NIPA1: variants seen among roughly 807,000 people sequenced by gnomAD.
NIPA1 encodes the protein NIPA magnesium transporter 1, also known as magnesium transporter NIPA1.
NIPA1 carries 13 observed loss-of-function variants against 23.9 expected under a neutral mutation model. The observed-to-expected ratio is 0.54, with a 90% CI of 0.35 to 0.87. NIPA1 has a LOEUF of 0.87. Among genes scored for constraint, NIPA1 ranks in the 40% least tolerant of loss-of-function variants. The pLI is 0.01. For missense variants in NIPA1, 362 were observed against 429.7 expected, an observed-to-expected ratio of 0.84 and a Z score of 1.39; for synonymous variants, 234 against 202.9, an observed-to-expected ratio of 1.15 and a Z score of -1.30.
At position 22,827,519 on chromosome 15, in the gene NIPA1, A is replaced by G. The variant is rs1281408389; in HGVS notation, c.*3280A>G. On this transcript the variant is annotated 3_prime_UTR_variant, in exon 5 of 5. Transcript: ENST00000337435. ...TCAGCTCTCATTGAGATCTTTTCCT[A>G]TCAGAATGTTAGTGAATATACTTCG... 17 of 152,156 alleles carry G rather than the reference A, an allele frequency of 1.1e-4. No individual in the cohort carries two copies. Among genetic ancestry groups the G allele is most frequent in the Non-Finnish European group, 2.5e-4 (17 of 68,024 alleles). 9.4% of individuals were successfully genotyped at this position (152,156 alleles called of 1,614,324 possible).
intron 1 of NIPA1, among the ~76,000 whole-genome samples, chr15:22,799,411 G>A (rs759039125): frequency 7.9e-5 from 12 of 152,096 alleles, no homozygotes; most frequent in Admixed American, 2.6e-4. Context: ...GTAATCTGCC[G>A]AGGTGGGCAG....
In NIPA1 at chr15:22,824,520, CTCT is replaced by C. The variant is rs1292126049; in HGVS notation, c.*286_*288del. 4 of 442,428 alleles carry C rather than the reference CTCT, an allele frequency of 9.0e-6. No individual in the cohort carries two copies. The highest frequency in any genetic ancestry group is 5.9e-5 in the African/African-American group (3 of 50,560). 27.4% of individuals were successfully genotyped at this position (442,428 alleles called of 1,614,324 possible). A position where few individuals can be genotyped will look rare whatever the true frequency, so the allele number is the denominator to read the frequency against. On this transcript the variant is annotated 3_prime_UTR_variant, in exon 5 of 5. Coordinates refer to ENST00000337435, the MANE Select transcript of NIPA1 (RefSeq NM_144599.5). This position sits in a 1 kb window ranked among gnomAD's most constrained non-coding sequence, Gnocchi z 4.1. ...TAACCTGGAAGCTTTCATGAATATT[CTCT>C]TCTTTTAAAACATTTTAACATTATT...
intron 1 of NIPA1, among the ~76,000 whole-genome samples, chr15:22,799,943 C>CAAAAAAAAA (rs61174589): frequency 2.1e-5 from 1 of 47,012 alleles, no homozygotes; most frequent in Non-Finnish European, 3.7e-5. Flanking sequence ...GACCCTGTCT[C>CAAAAAAAAA]AAAAAAAAAA....
Position 22,806,175 on chromosome 15 carries a change from G to A in NIPA1, c.179-4574G>A, listed in dbSNP as rs1044278874. Among the ~76,000 whole-genome samples the A allele has an allele frequency of 2.0e-4, 31 of 152,236 alleles. No homozygotes were observed. In the South Asian group the frequency reaches 3.3e-3, roughly 16 times the overall value. ...CCTGACCTTGTGATCCGCCCGCCTC[G>A]GCCTCCCAAAGTGCCGGGATTACAG... On this transcript the variant is annotated intron_variant, in intron 1 of 4. Coordinates refer to ENST00000337435, the MANE Select transcript of NIPA1 (RefSeq NM_144599.5).
At chr15:22,804,913 T>A (rs1323855974) in intron 1 of NIPA1, among the ~76,000 whole-genome samples, 1 of 152,232 alleles carries the variant, frequency 6.6e-6, no homozygotes, top group East Asian at 1.9e-4. Context: ...CTTGGCTCAC[T>A]GCAAGCTCCG....
intron 3 of NIPA1, chr15:22,814,302 G>A (rs1389031124): frequency 3.8e-6 from 1 of 259,950 alleles, no homozygotes; most frequent in African/African-American, 2.2e-5. Context: ...CTGTCGCCCA[G>A]GCTGGAGTGC....
At chr15:22,799,704 C>T (rs1163078902) in intron 1 of NIPA1, among the ~76,000 whole-genome samples, 1 of 151,634 alleles carries the variant, frequency 6.6e-6, no homozygotes. Flanking sequence ...ATGGCGTGAA[C>T]CCAGGAGGCG....
chr15:22,815,787 T>C (rs1016505309), intron 3 of NIPA1, among the ~76,000 whole-genome samples: 2 of 152,168 alleles, frequency 1.3e-5, no homozygotes, highest in African/African-American at 4.8e-5. Flanking sequence ...AAATGCAAAG[T>C]AGATTTAGCA....
At chr15:22,818,160 C>T (rs57501181) in intron 3 of NIPA1, among the ~76,000 whole-genome samples, 1,675 of 152,204 alleles carry the variant, frequency 0.011, 34 homozygotes, top group African/African-American at 0.038. Context: ...AAACTCTTGC[C>T]GGTCGTGGTG....
At chr15:22,800,621 C>T (rs1227946458) in intron 1 of NIPA1, among the ~76,000 whole-genome samples, 2 of 151,862 alleles carry the variant, frequency 1.3e-5, no homozygotes, top group Admixed American at 6.6e-5. Flanking sequence ...GGTGAAGCCC[C>T]GTCTCTACTA....
At chr15:22,798,861 A>C (rs1398075229) in intron 1 of NIPA1, among the ~76,000 whole-genome samples, 2 of 150,144 alleles carry the variant, frequency 1.3e-5, no homozygotes, top group East Asian at 2.0e-4. Context: ...AAAAAAAAAA[A>C]ACCTCTTTAT....
At chr15:22,815,560 G>A (rs1895398907) in intron 3 of NIPA1, among the ~76,000 whole-genome samples, 1 of 152,108 alleles carries the variant, frequency 6.6e-6, no homozygotes, top group African/African-American at 2.4e-5. Context: ...AGAGATTGCA[G>A]TGAATTGACA....
chr15:22,823,657 C>A, intron 4 of NIPA1, 71 bp from the exon 5 acceptor site: 3 of 1,498,242 alleles, frequency 2.0e-6, no homozygotes, highest in Non-Finnish European at 2.7e-6. Flanking sequence ...CCGGGTGCTG[C>A]CCCAGTCCAC....
chr15:22,826,644 A>G lies in NIPA1; in HGVS notation c.*2405A>G, dbSNP rs886050995. The G allele has an allele frequency of 7.9e-5, 12 of 152,166 alleles. No individual in the cohort carries two copies. Among genetic ancestry groups the G allele is most frequent in the Non-Finnish European group, 1.6e-4 (11 of 68,028 alleles). The allele number at this position is 152,166 out of a possible 1,614,324, so 9.4% of individuals were successfully genotyped here. A position where few individuals can be genotyped will look rare whatever the true frequency, so the allele number is the denominator to read the frequency against. The stretch of plus-strand genomic sequence containing the variant: ...ATTTTAATCCACAATTATACCATTG[A>G]TACTGAGAGGTGATACCCGATGATC... On this transcript the variant is annotated 3_prime_UTR_variant, in exon 5 of 5. Coordinates refer to ENST00000337435, the MANE Select transcript of NIPA1 (RefSeq NM_144599.5).
intron 1 of NIPA1, among the ~76,000 whole-genome samples, chr15:22,802,050 A>C (rs1895093713): frequency 1.3e-5 from 2 of 152,142 alleles, no homozygotes; most frequent in African/African-American, 4.8e-5. Context: ...GGTTAGTTGT[A>C]TTAGGGTCAG....
chr15:22,824,328 T>C lies in NIPA1; in HGVS notation c.*89T>C. The C allele has an allele frequency of 5.3e-6, 6 of 1,139,040 alleles. No individual in the cohort carries two copies. The Admixed American group carries it at 6.7e-5, about 13-fold the overall frequency. The allele number at this position is 1,139,040 out of a possible 1,614,324, so 70.6% of individuals were successfully genotyped here. On this transcript the variant is annotated 3_prime_UTR_variant, in exon 5 of 5. Coordinates refer to ENST00000337435, the MANE Select transcript of NIPA1 (RefSeq NM_144599.5). The surrounding 1 kb of genome is among the most constrained non-coding windows in gnomAD (Gnocchi z 4.1). ...GATGTGAAGTAGAAGAGGTCCTCGA[T>C]CATGGTGTTAGAATTGACTGGATAG...
intron 1 of NIPA1, among the ~76,000 whole-genome samples, chr15:22,793,622 G>C (rs1894881942): frequency 6.6e-6 from 1 of 151,868 alleles, no homozygotes; most frequent in Non-Finnish European, 1.5e-5. Flanking sequence ...CCTATCTTTA[G>C]TAGAGACAGG....
chr15:22,818,538 T>C (rs1042871012), intron 3 of NIPA1, among the ~76,000 whole-genome samples: 18 of 151,680 alleles, frequency 1.2e-4, no homozygotes, highest in Admixed American at 1.0e-3. Context: ...GGCTCATGCC[T>C]ATAATCCCAG....
chr15:22,787,292 C>G (rs1894729152), intron 1 of NIPA1, among the ~76,000 whole-genome samples: 1 of 152,164 alleles, frequency 6.6e-6, no homozygotes, highest in Non-Finnish European at 1.5e-5. Context: ...TCAGCCGATG[C>G]GCGGCCCGCT....
Sources: allele counts gnomAD v4.1 joint callset (sites outside exome capture counted in the v4.1 genomes callset), GRCh38; gene constraint gnomAD v4.1.1; non-coding constraint Gnocchi (gnomAD v3.1); transcripts MANE v1.5; gene names NCBI Gene and HGNC (gene_info 2026-07-23, HGNC 2026-07-21).